Variants in GRID2 observed in about 807,000 individuals in gnomAD.
GRID2 encodes the protein glutamate ionotropic receptor delta type subunit 2, also known as glutamate receptor ionotropic, delta-2.
A neutral mutation model predicts 114.8 loss-of-function variants in GRID2; 33 were observed. The ratio of observed to expected loss-of-function variants is 0.29; its 90% CI spans 0.22 to 0.38. The LOEUF (loss-of-function observed/expected upper bound fraction) is 0.38. Among genes scored for constraint, GRID2 ranks in the 10% least tolerant of loss-of-function variants. GRID2 has a pLI of 1.00. For missense variants in GRID2, 1,184 were observed against 1,257.7 expected, an observed-to-expected ratio of 0.94 and a Z score of 0.89; for synonymous variants, 505 against 449.9, an observed-to-expected ratio of 1.12 and a Z score of -1.55.
chr4:92,440,744 G>A (rs1396964857), intron 1 of GRID2, among the ~76,000 whole-genome samples: 1 of 152,036 alleles, frequency 6.6e-6, no homozygotes, highest in Non-Finnish European at 1.5e-5. Context: ...TCAGGGTGAG[G>A]AACAGGAAAG....
chr4:92,943,358 C>T (rs1388925874), intron 2 of GRID2, among the ~76,000 whole-genome samples: 1 of 152,104 alleles, frequency 6.6e-6, no homozygotes, highest in African/African-American at 2.4e-5. Flanking sequence ...CCCTTTCTTC[C>T]AGTTGATCGC....
chr4:92,609,647 G>A (rs918588437), intron 2 of GRID2, among the ~76,000 whole-genome samples: 4 of 150,450 alleles, frequency 2.7e-5, no homozygotes, highest in Non-Finnish European at 5.9e-5. Flanking sequence ...AATAATAGTA[G>A]ATCACTATAA....
chr4:93,405,554 G>A (rs536996360), intron 9 of GRID2, among the ~76,000 whole-genome samples: 3 of 152,170 alleles, frequency 2.0e-5, no homozygotes, highest in African/African-American at 7.2e-5. Flanking sequence ...TCTACTACTT[G>A]TCTCTAGACA....
chr4:92,658,779 ATG>A (rs367855535), intron 2 of GRID2, among the ~76,000 whole-genome samples: 38,295 of 124,524 alleles, frequency 0.31, 5,470 homozygotes, highest in Admixed American at 0.38. Context: ...GTTTGCATGT[ATG>A]TGTGTGTGTG....
intron 14 of GRID2, among the ~76,000 whole-genome samples, chr4:93,679,037 C>T (rs1435913086): frequency 6.6e-6 from 1 of 151,150 alleles, no homozygotes; most frequent in Non-Finnish European, 1.5e-5. Flanking sequence ...AAACCCATCA[C>T]ACATGCAGAG....
intron 2 of GRID2, among the ~76,000 whole-genome samples, chr4:92,695,377 T>C (rs1346615827): frequency 6.6e-6 from 1 of 152,042 alleles, no homozygotes; most frequent in Non-Finnish European, 1.5e-5. Flanking sequence ...TGCAGTAAAA[T>C]AGAAACACAA....
chr4:92,559,362 G>A (rs1466296852), intron 1 of GRID2, among the ~76,000 whole-genome samples: 1 of 152,070 alleles, frequency 6.6e-6, no homozygotes, highest in Non-Finnish European at 1.5e-5. Context: ...AAATGCTCGG[G>A]ACAAGAAGTG....
chr4:92,857,334 C>G (rs1444259916), intron 2 of GRID2, among the ~76,000 whole-genome samples: 1 of 151,798 alleles, frequency 6.6e-6, no homozygotes, highest in African/African-American at 2.4e-5. Flanking sequence ...ATCCAGGGCT[C>G]TTGCACCAGT....
rs1402203378 is a variant in GRID2, at chr4:92,542,863, G to C, written c.89-47268G>C. ...AATCAGAAGGTAATAATTGATTATA[G>C]TACGTGTGGGTTCTAGTAGACCCTG... On this transcript the variant is annotated intron_variant, in intron 1 of 15. Coordinates refer to ENST00000282020, the MANE Select transcript of GRID2 (RefSeq NM_001510.4). 2.0e-5 allele frequency among the ~76,000 whole-genome samples: 3 copies of C among 152,044 alleles called. No homozygotes were observed. In the East Asian group the frequency reaches 5.8e-4, roughly 29 times the overall value.
At chr4:93,310,455 C>T (rs1439961585) in intron 8 of GRID2, among the ~76,000 whole-genome samples, 4 of 152,012 alleles carry the variant, frequency 2.6e-5, no homozygotes, top group African/African-American at 4.8e-5. Flanking sequence ...CGCTTGAACC[C>T]GGGAGATGGA....
chr4:92,860,772 A>G (rs1167921012), intron 2 of GRID2, among the ~76,000 whole-genome samples: 1 of 151,992 alleles, frequency 6.6e-6, no homozygotes, highest in Non-Finnish European at 1.5e-5. Flanking sequence ...TTTCGCCTGA[A>G]CCCTATACAG....
intron 2 of GRID2, among the ~76,000 whole-genome samples, chr4:92,767,908 C>A (rs1420586566): frequency 2.0e-5 from 3 of 147,858 alleles, no homozygotes; most frequent in African/African-American, 7.5e-5. Context: ...CATAGTGAGC[C>A]ATCATCTCAA....
chr4:93,515,406 C>A lies in GRID2; in HGVS notation c.2188C>A (p.Gln730Lys), dbSNP rs1204158701. The A allele has an allele frequency of 1.9e-6, 3 of 1,601,092 alleles. No individual in the cohort carries two copies. The highest frequency in any genetic ancestry group is 1.1e-5 in the South Asian group (1 of 90,712). ...NNVLESQAGI[Q>K]KVKYGNYAFV... ...TGTTCTGGAGTCCCAGGCAGGCATTCAAAAGGTACTGTCCATGGTTCTCCT... is the reference window on the plus strand; with the variant it reads ...TGTTCTGGAGTCCCAGGCAGGCATTAAAAAGGTACTGTCCATGGTTCTCCT... The change falls in exon 13 of 16, where the codon CAA becomes AAA. Residue 730 changes from glutamine (Q) to lysine (K), a missense_variant. Physicochemically the swap from Gln to Lys is moderately conservative, Grantham distance 53. Around this residue, in one of 3 missense-constraint regions of GRID2, gnomAD observed 717 missense variants for 796.9 expected, o/e 0.90. Coordinates refer to ENST00000282020, the MANE Select transcript of GRID2 (RefSeq NM_001510.4).
intron 9 of GRID2, among the ~76,000 whole-genome samples, chr4:93,411,193 A>G (rs1488598118): frequency 6.6e-6 from 1 of 152,188 alleles, no homozygotes; most frequent in Admixed American, 6.5e-5. Flanking sequence ...AAACTTAACT[A>G]CATTTCCTTA....
At chr4:93,246,504 G>C (rs761757053) in intron 8 of GRID2, among the ~76,000 whole-genome samples, 1 of 151,040 alleles carries the variant, frequency 6.6e-6, no homozygotes, top group Non-Finnish European at 1.5e-5. Flanking sequence ...GGAGAATGGC[G>C]TGAACCTGGG....
chr4:92,681,547 G>A (rs1226069939), intron 2 of GRID2, among the ~76,000 whole-genome samples: 1 of 152,066 alleles, frequency 6.6e-6, no homozygotes, highest in Non-Finnish European at 1.5e-5. Flanking sequence ...TTGTGGGGTG[G>A]GGAGAAGGGG....
At position 92,611,065 on chromosome 4, in the gene GRID2, T is replaced by TA. The variant is rs1455472844; in HGVS notation, c.244+20779_244+20780insA. The stretch of plus-strand genomic sequence containing the variant: ...GTGTAGCTGTATATATATATGTGTG[T>TA]GTGTATATATATATGTGTGTATATA... On this transcript the variant is annotated intron_variant, in intron 2 of 15. Coordinates refer to ENST00000282020, the MANE Select transcript of GRID2 (RefSeq NM_001510.4). Among the ~76,000 whole-genome samples, 179 of 137,528 alleles carry TA rather than the reference T, an allele frequency of 1.3e-3. 1 individual carries two copies. The highest frequency in any genetic ancestry group is 1.2e-3 in the Non-Finnish European group (73 of 59,886). 90.2% of individuals were successfully genotyped at this position (137,528 alleles called of 152,430 possible).
chr4:92,922,841 G>T (rs1221728087), intron 2 of GRID2, among the ~76,000 whole-genome samples: 1 of 152,122 alleles, frequency 6.6e-6, no homozygotes, highest in Non-Finnish European at 1.5e-5. Flanking sequence ...ATCAGAAATG[G>T]CAGAACTAAT....
intron 9 of GRID2, among the ~76,000 whole-genome samples, chr4:93,417,154 A>G (rs909227019): frequency 6.6e-6 from 1 of 152,132 alleles, no homozygotes; most frequent in African/African-American, 2.4e-5. Context: ...AGGAAGACTC[A>G]AAGCCATCTA....
Sources: gnomAD v4.1 joint callset for allele counts (sites outside exome capture counted in the v4.1 genomes callset) on GRCh38, gnomAD v4.1.1 for gene constraint, gnomAD v4.1.1 regional missense constraint, MANE v1.5 for transcripts, NCBI Gene and HGNC (gene_info 2026-07-23, HGNC 2026-07-21) for gene names.